REC114: variants seen among roughly 807,000 people sequenced by gnomAD.
REC114 encodes meiotic recombination protein REC114.
A neutral mutation model predicts 31.3 loss-of-function variants in REC114; 27 were observed. That is an observed-to-expected ratio of 0.86 (90% CI 0.64 to 1.19). The LOEUF (loss-of-function observed/expected upper bound fraction) is 1.19, where lower values mean the gene tolerates loss of function less well. Among genes scored for constraint, REC114 ranks in the 50% most tolerant of loss-of-function variants. The probability of loss-of-function intolerance (pLI) is 0.00; values close to 1 mark genes in which losing one functional copy is unlikely to be tolerated. For synonymous variants in REC114, 134 were observed against 127.7 expected (o/e 1.05, Z -0.33); for missense variants, 344 against 326.9 (o/e 1.05, Z -0.40).
At chr15:73,472,362 T>C (rs1270956353) in intron 1 of REC114, among the ~76,000 whole-genome samples, 2 of 152,228 alleles carry the variant, frequency 1.3e-5, no homozygotes, top group African/African-American at 4.8e-5. Flanking sequence ...GCAGGTCTTA[T>C]TGTATCCCCT....
chr15:73,544,380 TTTAA>T (rs1894281312), intron 3 of REC114, among the ~76,000 whole-genome samples: 1 of 152,224 alleles, frequency 6.6e-6, no homozygotes, highest in Non-Finnish European at 1.5e-5. Flanking sequence ...AACACTATTA[TTTAA>T]TTGACAAATG....
At chr15:73,530,249 C>G (rs1345234758) in intron 2 of REC114, among the ~76,000 whole-genome samples, 1 of 152,222 alleles carries the variant, frequency 6.6e-6, no homozygotes, top group African/African-American at 2.4e-5. Flanking sequence ...ATATTCAAAT[C>G]TAAGACCAAA....
intron 2 of REC114, among the ~76,000 whole-genome samples, chr15:73,507,773 C>G (rs1457188693): frequency 6.6e-6 from 1 of 152,046 alleles, no homozygotes; most frequent in African/African-American, 2.4e-5. Context: ...AGAGCTCACA[C>G]AAATTAAAAG....
chr15:73,535,059 C>T (rs1312810352), intron 2 of REC114, among the ~76,000 whole-genome samples: 4 of 138,942 alleles, frequency 2.9e-5, no homozygotes, highest in Non-Finnish European at 6.1e-5. Context: ...TATGACAAAC[C>T]CACAGCCAAT....
At chr15:73,517,521 G>C (rs894056537) in intron 2 of REC114, among the ~76,000 whole-genome samples, 3 of 152,106 alleles carry the variant, frequency 2.0e-5, no homozygotes, top group Non-Finnish European at 4.4e-5. Flanking sequence ...TAGAAGTGAG[G>C]GGGGGAAAGA....
chr15:73,519,337 A>C (rs1224190803), intron 2 of REC114, among the ~76,000 whole-genome samples: 1 of 152,224 alleles, frequency 6.6e-6, no homozygotes, highest in Non-Finnish European at 1.5e-5. Context: ...TTTCAACCAG[A>C]GAGCAAGCCC....
chr15:73,494,544 C>T (rs1015944301), intron 2 of REC114, among the ~76,000 whole-genome samples: 4 of 151,708 alleles, frequency 2.6e-5, no homozygotes, highest in South Asian at 2.1e-4. Context: ...GTCTAAAACC[C>T]TTTAAATTAT....
chr15:73,467,495 G>A (rs1893078136), intron 1 of REC114, among the ~76,000 whole-genome samples: 1 of 152,178 alleles, frequency 6.6e-6, no homozygotes, highest in South Asian at 2.1e-4. Flanking sequence ...GTTTTGTTCA[G>A]TGATACTGCA....
chr15:73,497,266 G>A (rs1893541557), intron 2 of REC114, among the ~76,000 whole-genome samples: 1 of 152,166 alleles, frequency 6.6e-6, no homozygotes, highest in South Asian at 2.1e-4. Context: ...CTGCTCTGGT[G>A]TTTGCCAGAT....
intron 1 of REC114, among the ~76,000 whole-genome samples, chr15:73,459,947 C>A (rs1892967085): frequency 1.3e-5 from 2 of 152,212 alleles, no homozygotes. Context: ...CTACACCTGA[C>A]TGATATGGAA....
intron 5 of REC114, among the ~76,000 whole-genome samples, chr15:73,558,169 C>T (rs1368586692): frequency 6.6e-6 from 1 of 152,070 alleles, no homozygotes. Flanking sequence ...CATATTGAGA[C>T]CCCCATCTCT....
At chr15:73,524,730 T>A (rs552087678) in intron 2 of REC114, among the ~76,000 whole-genome samples, 11 of 152,166 alleles carry the variant, frequency 7.2e-5, no homozygotes, top group Non-Finnish European at 1.5e-4. Context: ...CCTGAGTAGC[T>A]GGGACTACAG....
At chr15:73,514,361 T>C (rs2141316578) in intron 2 of REC114, among the ~76,000 whole-genome samples, 1 of 151,932 alleles carries the variant, frequency 6.6e-6, no homozygotes, top group South Asian at 2.1e-4. Context: ...CCTAGTGAGA[T>C]GAACCCGGTA....
intron 1 of REC114, among the ~76,000 whole-genome samples, chr15:73,462,181 C>T (rs1567852201): frequency 6.6e-6 from 1 of 151,988 alleles, no homozygotes; most frequent in East Asian, 1.9e-4. Flanking sequence ...CCACCCACCT[C>T]AGCCTCCCAA....
intron 1 of REC114, among the ~76,000 whole-genome samples, chr15:73,464,137 G>A (rs1405941909): frequency 4.0e-5 from 6 of 151,228 alleles, no homozygotes; most frequent in Non-Finnish European, 5.9e-5. Flanking sequence ...TCTTTGCTCC[G>A]TGTATCTTGT....
At chr15:73,548,202 G>A (rs543862853) in intron 3 of REC114, among the ~76,000 whole-genome samples, 5 of 152,158 alleles carry the variant, frequency 3.3e-5, no homozygotes, top group Admixed American at 1.3e-4. Flanking sequence ...TCCACCTCCC[G>A]GGTTCAAGTG....
chr15:73,532,466 G>A (rs1359073307), intron 2 of REC114, among the ~76,000 whole-genome samples: 1 of 151,260 alleles, frequency 6.6e-6, no homozygotes, highest in Non-Finnish European at 1.5e-5. Context: ...TGTCTTTATA[G>A]CAGCATGATT....
chr15:73,478,469 A>G (rs533827436), intron 2 of REC114, among the ~76,000 whole-genome samples: 10 of 152,064 alleles, frequency 6.6e-5, no homozygotes, highest in Non-Finnish European at 1.3e-4. Flanking sequence ...CCTTACTCCA[A>G]TAACACACTG....
chr15:73,491,941 C>T (rs1893454103), intron 2 of REC114, among the ~76,000 whole-genome samples: 1 of 151,894 alleles, frequency 6.6e-6, no homozygotes, highest in Admixed American at 6.6e-5. Context: ...GCTTTTCCAC[C>T]AGCTTTGTTT....
Sources: allele counts gnomAD v4.1 joint callset (sites outside exome capture counted in the v4.1 genomes callset), GRCh38; gene constraint gnomAD v4.1.1; transcripts MANE v1.5; gene names NCBI Gene and HGNC (gene_info 2026-07-23, HGNC 2026-07-21).